The following ARL15 variants were observed in gnomAD, a reference collection of about 807,000 sequenced individuals.
ARL15 encodes ARF like GTPase 15.
In ARL15, 19 loss-of-function variants were observed where a neutral mutation model predicts 25.2. The ratio of observed to expected loss-of-function variants is 0.75; its 90% CI spans 0.53 to 1.10. The LOEUF (loss-of-function observed/expected upper bound fraction) is 1.10. ARL15 is among the 50% of genes least tolerant of loss of function. The pLI is 0.00. For synonymous variants in ARL15, 94 were observed against 86.8 expected (o/e 1.08, Z -0.46); for missense variants, 220 against 246.0 (o/e 0.89, Z 0.71).
chr5:54,149,517 A>C (rs1754003452), intron 3 of ARL15, among the ~76,000 whole-genome samples: 1 of 152,220 alleles, frequency 6.6e-6, no homozygotes, highest in Non-Finnish European at 1.5e-5. Context: ...TCATTATAAA[A>C]GCAAATCTTC....
chr5:53,897,643 T>G (rs1196608706), intron 4 of ARL15, among the ~76,000 whole-genome samples: 1 of 152,244 alleles, frequency 6.6e-6, no homozygotes, highest in Non-Finnish European at 1.5e-5. Flanking sequence ...TTTTCCTGCA[T>G]TTGACATGAT....
intron 3 of ARL15, among the ~76,000 whole-genome samples, chr5:54,120,714 T>C (rs746697742): frequency 1.3e-5 from 2 of 152,164 alleles, no homozygotes; most frequent in African/African-American, 2.4e-5. Flanking sequence ...AAAACACTTT[T>C]GTGGTATTCT....
chr5:54,157,435 G>A (rs1754271630), intron 2 of ARL15, among the ~76,000 whole-genome samples: 1 of 151,784 alleles, frequency 6.6e-6, no homozygotes, highest in African/African-American at 2.4e-5. Flanking sequence ...TTTTTGAGAT[G>A]GAGTCTCGCT....
Position 54,113,323 on chromosome 5 carries a change from T to A in ARL15, c.341A>T (p.Asp114Val), listed in dbSNP as rs749638390. 6.2e-7 allele frequency: 1 copy of A among 1,613,956 alleles called. No homozygotes were observed. Among genetic ancestry groups the A allele is most frequent in the Non-Finnish European group, 8.5e-7 (1 of 1,179,868 alleles). Residue 114 changes from aspartate (D) to valine (V), a missense_variant, in exon 4 of 5, where the codon GAT becomes GTT. Physicochemically the swap from Asp to Val is radical, Grantham distance 152. Coordinates refer to ENST00000504924, the MANE Select transcript of ARL15 (RefSeq NM_019087.3). ...IFVLDSASSEDDLEAARNELH... is the reference protein window; with the variant it reads ...IFVLDSASSEVDLEAARNELH... ...CTCATTTCTAGCAGCTTCTAAATCA[T>A]CCTCTGAAGAGGCACTGTCTAATAC...
chr5:54,206,139 T>G (rs182501280), intron 1 of ARL15, among the ~76,000 whole-genome samples: 61 of 152,278 alleles, frequency 4.0e-4, no homozygotes, highest in African/African-American at 1.3e-3. Flanking sequence ...CTATGTCTGT[T>G]TAATGCTAGT....
intron 4 of ARL15, among the ~76,000 whole-genome samples, chr5:54,109,435 T>A (rs1287086354): frequency 2.0e-5 from 3 of 151,974 alleles, no homozygotes; most frequent in Non-Finnish European, 4.4e-5. Context: ...ACGTGTTCTT[T>A]TATAAGACAC....
At chr5:54,202,915 C>A in intron 1 of ARL15, among the ~76,000 whole-genome samples, 1 of 152,070 alleles carries the variant, frequency 6.6e-6, no homozygotes, top group African/African-American at 2.4e-5. Flanking sequence ...CAGAATATAT[C>A]CAATACATAA....
At chr5:54,228,610 T>A (rs1756588247) in intron 1 of ARL15, among the ~76,000 whole-genome samples, 1 of 151,392 alleles carries the variant, frequency 6.6e-6, no homozygotes, top group Admixed American at 6.6e-5. Context: ...CAATAAAAAT[T>A]TATAGCTATC....
At chr5:54,029,323 C>CCACCACCACCACCACCACCAA (rs1749891961) in intron 4 of ARL15, among the ~76,000 whole-genome samples, 4 of 117,562 alleles carry the variant, frequency 3.4e-5, no homozygotes, top group Non-Finnish European at 5.3e-5. Context: ...ACCACCACCA[C>CCACCACCACCACCACCACCAA]CACCACCACT....
chr5:54,095,027 T>G (rs1242002838), intron 4 of ARL15, among the ~76,000 whole-genome samples: 1 of 152,228 alleles, frequency 6.6e-6, no homozygotes, highest in Non-Finnish European at 1.5e-5. Context: ...GAAATTCTTT[T>G]GAGAACTAAG....
At chr5:54,224,070 AC>A (rs1487632738) in intron 1 of ARL15, among the ~76,000 whole-genome samples, 1 of 152,216 alleles carries the variant, frequency 6.6e-6, no homozygotes, top group Non-Finnish European at 1.5e-5. Context: ...TTGTGGCCAT[AC>A]AACGCAGGGA....
intron 4 of ARL15, among the ~76,000 whole-genome samples, chr5:54,100,623 GTTAGAGA>G (rs1158412538): frequency 6.6e-6 from 1 of 151,962 alleles, no homozygotes; most frequent in Non-Finnish European, 1.5e-5. Flanking sequence ...TTGGTAACAA[GTTAGAGA>G]TTAAACTATT....
intron 4 of ARL15, among the ~76,000 whole-genome samples, chr5:54,029,709 A>G (rs1749912830): frequency 1.3e-5 from 2 of 151,976 alleles, no homozygotes; most frequent in Admixed American, 1.3e-4. Context: ...AAATAAAAAG[A>G]ATGGCTGGGC....
At chr5:53,979,490 C>T (rs1032867205) in intron 4 of ARL15, among the ~76,000 whole-genome samples, 6 of 152,036 alleles carry the variant, frequency 3.9e-5, no homozygotes, top group Non-Finnish European at 7.4e-5. Context: ...CAGTGTGCCA[C>T]GATCATACCA....
chr5:54,230,004 T>A (rs576343144), intron 1 of ARL15, among the ~76,000 whole-genome samples: 15 of 152,158 alleles, frequency 9.9e-5, no homozygotes, highest in African/African-American at 3.6e-4. Flanking sequence ...ACTAGGAACA[T>A]GGCTTCCTAC....
intron 4 of ARL15, among the ~76,000 whole-genome samples, chr5:54,072,645 G>T (rs747299179): frequency 6.6e-6 from 1 of 152,100 alleles, no homozygotes; most frequent in Non-Finnish European, 1.5e-5. Flanking sequence ...TAAAGCTTGG[G>T]AATCAGCACA....
At chr5:54,177,974 CT>C (rs1754933485) in intron 1 of ARL15, among the ~76,000 whole-genome samples, 1 of 152,168 alleles carries the variant, frequency 6.6e-6, no homozygotes, top group African/African-American at 2.4e-5. Context: ...CACATGTATT[CT>C]TTTCTAAGAT....
At chr5:54,036,637 T>C (rs914277520) in intron 4 of ARL15, among the ~76,000 whole-genome samples, 15 of 152,152 alleles carry the variant, frequency 9.9e-5, no homozygotes, top group East Asian at 5.8e-4. Context: ...CTTGTAAAGA[T>C]TGTCAGATAC....
At chr5:54,167,417 G>A (rs764052185) in intron 2 of ARL15, among the ~76,000 whole-genome samples, 3 of 152,144 alleles carry the variant, frequency 2.0e-5, no homozygotes, top group Admixed American at 6.5e-5. Flanking sequence ...AACTCTCAAG[G>A]CATTAAGCTG....
Sources: gnomAD v4.1 joint callset for allele counts (sites outside exome capture counted in the v4.1 genomes callset) on GRCh38, gnomAD v4.1.1 for gene constraint, MANE v1.5 for transcripts, NCBI Gene and HGNC (gene_info 2026-07-23, HGNC 2026-07-21) for gene names.